UNC80: variants seen among roughly 807,000 people sequenced by gnomAD.
UNC80 encodes the protein unc-80 subunit of NALCN channel complex, also known as protein unc-80 homolog.
Under a neutral mutation model 384.6 loss-of-function variants are expected in UNC80, and 164 were observed. The observed-to-expected ratio is 0.43, with a 90% CI of 0.38 to 0.49. The LOEUF (loss-of-function observed/expected upper bound fraction) is 0.49, where lower values mean the gene tolerates loss of function less well. Ranked by LOEUF, UNC80 falls within the 20% of genes least tolerant of loss-of-function variation. The pLI, the probability that UNC80 is intolerant of heterozygous loss-of-function variation, is 0.00. For missense variants in UNC80, 3,330 were observed against 4,143.0 expected, an observed-to-expected ratio of 0.80 and a Z score of 5.39; for synonymous variants, 1,486 against 1,527.8, an observed-to-expected ratio of 0.97 and a Z score of 0.64.
At chr2:209,776,348 G>A (rs750581834) in intron 3 of UNC80, among the ~76,000 whole-genome samples, 11 of 152,266 alleles carry the variant, frequency 7.2e-5, no homozygotes, top group Middle Eastern at 6.8e-3. Context: ...TTGGGAGGCC[G>A]AGGCAGGCTG....
chr2:209,959,445 G>A (rs1348230357), intron 50 of UNC80, 44 bp from the exon 51 acceptor site: 11 of 1,525,434 alleles, frequency 7.2e-6, no homozygotes, highest in Non-Finnish European at 8.9e-6. Flanking sequence ...GCTGCTACAT[G>A]AATACATTTT....
chr2:209,905,569 G>A (rs998732749), intron 29 of UNC80, among the ~76,000 whole-genome samples: 7 of 152,130 alleles, frequency 4.6e-5, no homozygotes, highest in African/African-American at 1.2e-4. Flanking sequence ...CCGCCAATCC[G>A]TTTTAGATTT....
At chr2:209,878,181 T>C in intron 24 of UNC80, 92 bp downstream of exon 24, 1 of 1,283,694 alleles carries the variant, frequency 7.8e-7, no homozygotes, top group Non-Finnish European at 1.0e-6. Context: ...TTCATATTCT[T>C]ACCACCTCCC....
At chr2:209,814,303 T>C (rs1020253680) in intron 8 of UNC80, among the ~76,000 whole-genome samples, 4 of 152,146 alleles carry the variant, frequency 2.6e-5, no homozygotes, top group African/African-American at 9.7e-5. Flanking sequence ...TGGCACGATC[T>C]TGGCTCACTG....
At chr2:209,935,922 TTCTTTACTCTTC>T in intron 40 of UNC80, 114 bp downstream of exon 40, 1 of 614,710 alleles carries the variant, frequency 1.6e-6, no homozygotes, top group Non-Finnish European at 2.8e-6. Context: ...ATGTATGCAT[TTCTTTACTCTTC>T]TAAAATCTGC....
At chr2:209,945,743 A>T in intron 46 of UNC80, 104 bp from the exon 47 acceptor site, 3 of 654,822 alleles carry the variant, frequency 4.6e-6, no homozygotes, top group Non-Finnish European at 7.6e-6. Context: ...TAACAAGAAA[A>T]GGCTACAGTA....
chr2:209,924,973 G>T (rs1219187251), intron 35 of UNC80, among the ~76,000 whole-genome samples: 1 of 151,892 alleles, frequency 6.6e-6, no homozygotes, highest in Non-Finnish European at 1.5e-5. Flanking sequence ...CTAGGCTGCT[G>T]GTTTTAACAG....
intron 47 of UNC80, among the ~76,000 whole-genome samples, chr2:209,951,928 C>G (rs1406124476): frequency 6.6e-6 from 1 of 152,090 alleles, no homozygotes; most frequent in Non-Finnish European, 1.5e-5. Flanking sequence ...TTGATGTTTT[C>G]CATTGTTCTT....
intron 61 of UNC80, among the ~76,000 whole-genome samples, chr2:209,988,405 T>A (rs745611933): frequency 2.6e-5 from 4 of 152,224 alleles, no homozygotes; most frequent in Non-Finnish European, 5.9e-5. Flanking sequence ...TACTTCAATC[T>A]ATAATTTTTT....
Position 209,880,901 on chromosome 2 carries a change from A to G in UNC80, c.3977-60A>G, listed in dbSNP as rs1490680557. ...CATGTGTAGCTATGTCCATCAAACTATGCATTTCTGTATTTTTTGTTGATT... is the reference window on the plus strand; with the variant it reads ...CATGTGTAGCTATGTCCATCAAACTGTGCATTTCTGTATTTTTTGTTGATT... On this transcript the variant is annotated intron_variant, in intron 24 of 64. Transcript: ENST00000673920. 6 of 1,494,704 alleles carry G rather than the reference A, an allele frequency of 4.0e-6. No homozygotes were observed. In the African/African-American group the frequency reaches 5.6e-5, roughly 14 times the overall value. The allele number at this position is 1,494,704 out of a possible 1,614,324, so 92.6% of individuals were successfully genotyped here. A position where few individuals can be genotyped will look rare whatever the true frequency, so the allele number is the denominator to read the frequency against.
intron 11 of UNC80, among the ~76,000 whole-genome samples, chr2:209,818,245 A>G (rs1482463669): frequency 6.6e-6 from 1 of 152,144 alleles, no homozygotes; most frequent in Non-Finnish European, 1.5e-5. Flanking sequence ...GAAGACATCT[A>G]GATTCAGTGC....
chr2:209,775,803 T>G, intron 2 of UNC80, 86 bp from the exon 3 acceptor site: 1 of 1,428,108 alleles, frequency 7.0e-7, no homozygotes, highest in Non-Finnish European at 9.5e-7. Flanking sequence ...GCTGTTCATT[T>G]TTTCACTAAC....
At chr2:209,896,899 G>A (rs1277444057) in intron 28 of UNC80, among the ~76,000 whole-genome samples, 3 of 152,110 alleles carry the variant, frequency 2.0e-5, no homozygotes, top group Non-Finnish European at 2.9e-5. Flanking sequence ...GGGAAACTCT[G>A]GGCACGGGGT....
intron 15 of UNC80, 121 bp from the exon 16 acceptor site, chr2:209,831,322 T>A: frequency 9.5e-7 from 1 of 1,049,942 alleles, no homozygotes; most frequent in South Asian, 2.1e-5. Context: ...CATCTTTAAT[T>A]CCTTGTTTCT....
At chr2:209,968,410 C>A (rs965660699) in intron 52 of UNC80, 1 of 151,922 alleles carries the variant, frequency 6.6e-6, no homozygotes, top group Admixed American at 6.6e-5. Flanking sequence ...TGACTCCTTC[C>A]CAAGAATTTA....
chr2:209,927,307 T>C (rs1264550138), intron 36 of UNC80, among the ~76,000 whole-genome samples: 1 of 152,222 alleles, frequency 6.6e-6, no homozygotes, highest in Admixed American at 6.5e-5. Flanking sequence ...AGCTATTAGC[T>C]TGACACCACT....
At chr2:209,942,674 A>G (rs2091703742) in intron 44 of UNC80, among the ~76,000 whole-genome samples, 1 of 151,982 alleles carries the variant, frequency 6.6e-6, no homozygotes, top group Non-Finnish European at 1.5e-5. Flanking sequence ...CCTCATTTTT[A>G]GATAGTTGCA....
rs2093488460 is a variant in UNC80 at position 209,996,707 on chromosome 2, G to GT, written c.*1113dup. The GT allele has an allele frequency of 6.6e-6, 1 of 152,166 alleles. No homozygotes were observed. The allele number at this position is 152,166 out of a possible 1,614,324, so 9.4% of individuals were successfully genotyped here. ...GAAGTTCAATTACTTCAAGAAAAGT[G>GT]TAACACTTAGAAGGCTTGTGAGGCC... is the stretch of plus-strand genomic sequence containing the variant. On this transcript the variant is annotated 3_prime_UTR_variant, in exon 65 of 65. Coordinates refer to ENST00000673920, the MANE Select transcript of UNC80 (RefSeq NM_001371986.1).
chr2:209,942,781 AAAGAT>A (rs1365513844), intron 44 of UNC80, among the ~76,000 whole-genome samples: 1 of 152,072 alleles, frequency 6.6e-6, no homozygotes, highest in Non-Finnish European at 1.5e-5. Context: ...AGTTTAAAGA[AAAGAT>A]AAGGCTCACT....
Sources: allele counts gnomAD v4.1 joint callset (sites outside exome capture counted in the v4.1 genomes callset), GRCh38; gene constraint gnomAD v4.1.1; transcripts MANE v1.5; gene names NCBI Gene and HGNC (gene_info 2026-07-23, HGNC 2026-07-21).